TANC2: variants seen among roughly 807,000 people sequenced by gnomAD.
The protein encoded by TANC2 is protein TANC2.
In TANC2, 26 loss-of-function variants were observed where a neutral mutation model predicts 210.5. The ratio of observed to expected loss-of-function variants is 0.12; its 90% CI spans 0.09 to 0.17. The LOEUF is 0.17. Among genes scored for constraint, TANC2 ranks in the 10% least tolerant of loss-of-function variants. The pLI, the probability that TANC2 is intolerant of heterozygous loss-of-function variation, is 1.00. For synonymous variants in TANC2, 931 were observed against 967.1 expected, an observed-to-expected ratio of 0.96 and a Z score of 0.69; for missense variants, 2,129 against 2,608.9, an observed-to-expected ratio of 0.82 and a Z score of 4.01.
At chr17:63,024,605 G>A (rs150506651) in intron 2 of TANC2, among the ~76,000 whole-genome samples, 7 of 152,028 alleles carry the variant, frequency 4.6e-5, no homozygotes, top group African/African-American at 7.3e-5. Flanking sequence ...AGTAGGTCTC[G>A]GCCTTATTTT....
chr17:63,314,623 A>G (rs1457732279), exon 10 of TANC2: 8 of 1,613,884 alleles, frequency 5.0e-6, no homozygotes, highest in Middle Eastern at 3.3e-4. Flanking sequence ...GCCATGGTAC[A>G]AGGATGAGAC....
At chr17:63,357,767 G>A (rs2046821207) in intron 14 of TANC2, among the ~76,000 whole-genome samples, 1 of 152,230 alleles carries the variant, frequency 6.6e-6, no homozygotes, top group Admixed American at 6.5e-5. Context: ...GCAGCTGGCT[G>A]CACTTGTTTT....
In TANC2 at chr17:63,418,419, G is replaced by A. The variant is rs768086464; in HGVS notation, c.4268+12G>A. On this transcript the variant is annotated intron_variant, in intron 27 of 27. Coordinates refer to ENST00000689528, the Ensembl canonical transcript of TANC2. This position sits in a 1 kb window ranked among gnomAD's most constrained non-coding sequence, Gnocchi z 4.6. ...AAACGCAGCAGCAGGTGAGGAGAGA[G>A]AGAGAGGGTGAAAGCAAGAGGTCTC... 1.2e-6 allele frequency: 2 copies of A among 1,606,306 alleles called. No homozygotes were observed. The highest frequency in any genetic ancestry group is 1.1e-5 in the South Asian group (1 of 89,370).
rs1161118762 is a variant in TANC2, at chr17:63,412,928, A to G, written c.3928+219A>G. Among the ~76,000 whole-genome samples, 7 of 152,296 alleles carry G rather than the reference A, an allele frequency of 4.6e-5. No individual in the cohort carries two copies. In the East Asian group the frequency reaches 1.4e-3, roughly 29 times the overall value. ...GTTTGTAAATAATTCAGGCATTTGT[A>G]AACTAATCAATTTAACCTTTTCTTT... On this transcript the variant is annotated intron_variant, in intron 24 of 27. Coordinates refer to ENST00000689528, the Ensembl canonical transcript of TANC2. This position sits in a 1 kb window ranked among gnomAD's most constrained non-coding sequence, Gnocchi z 4.2.
chr17:63,101,271 A>G (rs1039588922), intron 4 of TANC2, among the ~76,000 whole-genome samples: 1 of 152,202 alleles, frequency 6.6e-6, no homozygotes, highest in African/African-American at 2.4e-5. Flanking sequence ...AAATTAGCCG[A>G]CCGTAAAGAA....
chr17:63,222,456 T>C (rs370230267), intron 7 of TANC2, among the ~76,000 whole-genome samples: 11 of 152,184 alleles, frequency 7.2e-5, no homozygotes, highest in African/African-American at 2.4e-4. Context: ...TAAAACAAGC[T>C]TGAAACAAAA....
intron 2 of TANC2, among the ~76,000 whole-genome samples, chr17:63,040,437 ATG>A (rs2144251368): frequency 6.6e-6 from 1 of 152,224 alleles, no homozygotes; most frequent in East Asian, 1.9e-4. Context: ...CACTTTACTT[ATG>A]TACTCACATA....
At chr17:63,008,435 G>T (rs978098326) in intron 1 of TANC2, among the ~76,000 whole-genome samples, 4 of 151,986 alleles carry the variant, frequency 2.6e-5, no homozygotes, top group African/African-American at 9.7e-5. Context: ...CTTCATGTTT[G>T]CTCTATTTAA....
At chr17:63,178,801 CTAGAGA>C (rs1456372858) in intron 5 of TANC2, among the ~76,000 whole-genome samples, 1 of 152,162 alleles carries the variant, frequency 6.6e-6, no homozygotes, top group Non-Finnish European at 1.5e-5. Flanking sequence ...GTCTGGGGAA[CTAGAGA>C]TATAGTGTTT....
intron 8 of TANC2, among the ~76,000 whole-genome samples, 198 bp from the exon 9 acceptor site, chr17:63,267,550 G>T (rs987319667): frequency 6.6e-6 from 1 of 152,150 alleles, no homozygotes; most frequent in African/African-American, 2.4e-5. Flanking sequence ...CAAGTGAAAT[G>T]AAGGGTTAAT....
At chr17:63,375,609 C>T (rs942221399) in intron 14 of TANC2, among the ~76,000 whole-genome samples, 1 of 152,204 alleles carries the variant, frequency 6.6e-6, no homozygotes, top group East Asian at 1.9e-4. Flanking sequence ...GGATGAGTAA[C>T]TTAAAGTAAT....
rs2147062650 is a variant in TANC2 at position 63,377,047 on chromosome 17, GTA to G, written c.2583-2667_2583-2666del. Among the ~76,000 whole-genome samples, 3 of 152,258 alleles carry G rather than the reference GTA, an allele frequency of 2.0e-5. No homozygotes were observed. The South Asian group carries it at 6.2e-4, about 32-fold the overall frequency. On this transcript the variant is annotated intron_variant, in intron 14 of 27. Coordinates refer to ENST00000689528, the Ensembl canonical transcript of TANC2. ...ACCCTCTGAAGCAACGACCTGAGCT[GTA>G]TATTGGTCCCTTTTAGCCACAGCTG...
chr17:63,004,282 AAT>A (rs1175720874), intron 1 of TANC2, among the ~76,000 whole-genome samples: 1 of 152,162 alleles, frequency 6.6e-6, no homozygotes, highest in Non-Finnish European at 1.5e-5. Context: ...ACTGGTAACC[AAT>A]TACTGGGGCT....
chr17:63,421,247 C>G lies in TANC2; in HGVS notation c.5517C>G (p.Ile1839Met), dbSNP rs1386591955. 1 of 1,614,042 alleles carries G rather than the reference C, an allele frequency of 6.2e-7. No homozygotes were observed. The highest frequency in any genetic ancestry group is 8.5e-7 in the Non-Finnish European group (1 of 1,179,902). The change falls in exon 28 of 28, where the codon ATC becomes ATG. Residue 1839 changes from isoleucine (I) to methionine (M), a missense_variant. Coordinates refer to ENST00000689528, the Ensembl canonical transcript of TANC2. The surrounding 1 kb of genome is among the most constrained non-coding windows in gnomAD (Gnocchi z 6.9). ...TGTCGCATTTAATCAGAAGACCTAT[C>G]AGTGTCAACCCTAACGAAATCAAAC...
chr17:63,307,976 A>T (rs1269791491), intron 9 of TANC2, among the ~76,000 whole-genome samples: 1 of 152,138 alleles, frequency 6.6e-6, no homozygotes, highest in Non-Finnish European at 1.5e-5. Context: ...CATGTTAGCC[A>T]GATTGGTCTC....
intron 1 of TANC2, among the ~76,000 whole-genome samples, 187 bp from the exon 2 acceptor site, chr17:63,009,350 A>G (rs1205749805): frequency 6.6e-6 from 1 of 152,106 alleles, no homozygotes; most frequent in East Asian, 1.9e-4. Context: ...ACAGGCATGC[A>G]ATGTTAAATA....
chr17:63,212,129 G>A lies in TANC2; in HGVS notation c.769+11172G>A, dbSNP rs541885339. On this transcript the variant is annotated intron_variant, in intron 7 of 27. Transcript: ENST00000689528. ...CCACCTATGAGTGAGAACATGCAGTGTTTGGTTTTCTGTCCTTGTGATAGT... is the reference window on the plus strand; with the variant it reads ...CCACCTATGAGTGAGAACATGCAGTATTTGGTTTTCTGTCCTTGTGATAGT... 1.2e-3 allele frequency among the ~76,000 whole-genome samples: 178 copies of A among 152,184 alleles called. 1 individual carries two copies. The highest frequency in any genetic ancestry group is 4.1e-3 in the African/African-American group (171 of 41,528).
At chr17:63,006,364 T>C (rs944758653) in intron 1 of TANC2, among the ~76,000 whole-genome samples, 8 of 152,162 alleles carry the variant, frequency 5.3e-5, no homozygotes, top group Non-Finnish European at 1.2e-4. Context: ...TAGATACTGA[T>C]TTTCATCCTT....
intron 3 of TANC2, among the ~76,000 whole-genome samples, chr17:63,083,530 G>C (rs1427968203): frequency 6.6e-6 from 1 of 152,092 alleles, no homozygotes; most frequent in Non-Finnish European, 1.5e-5. Flanking sequence ...GGATTCTCTT[G>C]GAGTTTTTTC....
Sources: gnomAD v4.1 joint callset for allele counts (sites outside exome capture counted in the v4.1 genomes callset) on GRCh38, gnomAD v4.1.1 for gene constraint, Gnocchi (gnomAD v3.1) non-coding constraint, MANE v1.5 for transcripts, NCBI Gene and HGNC (gene_info 2026-07-23, HGNC 2026-07-21) for gene names.